LRGUK: variants seen among roughly 807,000 people sequenced by gnomAD.
LRGUK encodes leucine-rich repeat and guanylate kinase domain-containing protein.
Under a neutral mutation model 76.0 loss-of-function variants are expected in LRGUK, and 65 were observed. That is an observed-to-expected ratio of 0.85 (90% CI 0.70 to 1.05). The LOEUF (loss-of-function observed/expected upper bound fraction) is 1.05, where lower values mean the gene tolerates loss of function less well. LRGUK is among the 50% of genes least tolerant of loss of function. The probability of loss-of-function intolerance (pLI) is 0.00; values close to 1 mark genes in which losing one functional copy is unlikely to be tolerated. For missense variants in LRGUK, 758 were observed against 732.8 expected (o/e 1.03, Z -0.40); for synonymous variants, 268 against 265.6 (o/e 1.01, Z -0.09).
At chr7:134,140,656 T>C (rs529746675) in intron 3 of LRGUK, among the ~76,000 whole-genome samples, 1 of 152,128 alleles carries the variant, frequency 6.6e-6, no homozygotes, top group African/African-American at 2.4e-5. Context: ...TAAATGTTGC[T>C]GATATGTCTT....
chr7:134,254,459 C>G (rs929686102), intron 18 of LRGUK, among the ~76,000 whole-genome samples: 4 of 152,140 alleles, frequency 2.6e-5, no homozygotes, highest in Non-Finnish European at 5.9e-5. Context: ...GATCAAGTGC[C>G]TGGTCAGGGC....
intron 11 of LRGUK, among the ~76,000 whole-genome samples, chr7:134,184,839 A>G (rs933962202): frequency 6.6e-6 from 1 of 152,236 alleles, no homozygotes; most frequent in African/African-American, 2.4e-5. Flanking sequence ...GAAAATCAAC[A>G]TCTTTTTCAT....
chr7:134,180,561 G>A (rs1011034299), intron 10 of LRGUK, among the ~76,000 whole-genome samples: 5 of 151,974 alleles, frequency 3.3e-5, no homozygotes, highest in African/African-American at 1.2e-4. Flanking sequence ...AAGGGACACA[G>A]AGGAAGATGA....
downstream of LRGUK, among the ~76,000 whole-genome samples, chr7:134,267,327 A>G (rs1802873059): frequency 6.6e-6 from 1 of 152,200 alleles, no homozygotes; most frequent in Non-Finnish European, 1.5e-5. Flanking sequence ...ACAAAATCAA[A>G]TATCACATCT....
chr7:134,263,051 A>AT (rs1374027957), intron 19 of LRGUK, among the ~76,000 whole-genome samples: 2 of 141,698 alleles, frequency 1.4e-5, no homozygotes, highest in Non-Finnish European at 3.1e-5. Context: ...ACAATGTCTT[A>AT]TTTTTTTCTT....
chr7:134,258,799 T>C (rs1447660252), intron 19 of LRGUK, among the ~76,000 whole-genome samples: 1 of 152,214 alleles, frequency 6.6e-6, no homozygotes, highest in Non-Finnish European at 1.5e-5. Flanking sequence ...TTATTGATCC[T>C]GATTTTTGAA....
At chr7:134,130,675 T>G (rs937440495) in intron 1 of LRGUK, among the ~76,000 whole-genome samples, 3 of 152,252 alleles carry the variant, frequency 2.0e-5, no homozygotes, top group African/African-American at 7.2e-5. Flanking sequence ...ATTCCCAGTT[T>G]AGCACCTTTG....
intron 4 of LRGUK, among the ~76,000 whole-genome samples, chr7:134,147,045 G>GACAA (rs775470706): frequency 0.24 from 35,776 of 151,892 alleles, 5,023 homozygotes; most frequent in South Asian, 0.35. Context: ...AACAGAAGTT[G>GACAA]CTGAAAAAGC....
At chr7:134,195,684 T>C (rs1332002778) in intron 12 of LRGUK, among the ~76,000 whole-genome samples, 1 of 151,932 alleles carries the variant, frequency 6.6e-6, no homozygotes, top group Non-Finnish European at 1.5e-5. Context: ...AACCAGCAGA[T>C]GCAATAAACA....
chr7:134,222,683 A>G (rs927282454), intron 16 of LRGUK, among the ~76,000 whole-genome samples: 2 of 151,800 alleles, frequency 1.3e-5, no homozygotes, highest in Admixed American at 6.6e-5. Flanking sequence ...ATATCCGCTC[A>G]TCGCAACCTC....
chr7:134,140,793 A>C (rs1276845455), intron 3 of LRGUK, among the ~76,000 whole-genome samples: 1 of 152,188 alleles, frequency 6.6e-6, no homozygotes, highest in African/African-American at 2.4e-5. Context: ...ACTTTCAATT[A>C]ACTTTTTTCT....
chr7:134,133,428 T>C (rs1352487254), intron 1 of LRGUK, among the ~76,000 whole-genome samples: 6 of 152,162 alleles, frequency 3.9e-5, no homozygotes, highest in African/African-American at 1.4e-4. Context: ...GGGGCCCTGC[T>C]CATAGTCAGC....
At chr7:134,181,538 G>T (rs1364833688) in intron 10 of LRGUK, among the ~76,000 whole-genome samples, 1 of 151,274 alleles carries the variant, frequency 6.6e-6, no homozygotes, top group African/African-American at 2.4e-5. Flanking sequence ...TTGTTTGTTT[G>T]TTTGTTTTAA....
chr7:134,181,646 T>C (rs1337889861), intron 10 of LRGUK, among the ~76,000 whole-genome samples: 3 of 152,180 alleles, frequency 2.0e-5, no homozygotes, highest in African/African-American at 7.2e-5. Flanking sequence ...TCAATATTTG[T>C]CACTTTCTTT....
At chr7:134,131,979 G>A (rs1336832460) in intron 1 of LRGUK, among the ~76,000 whole-genome samples, 2 of 152,094 alleles carry the variant, frequency 1.3e-5, no homozygotes, top group Non-Finnish European at 2.9e-5. Context: ...AAGAAGCAGG[G>A]AAGAAAACTG....
chr7:134,257,434 G>C (rs1398010424), intron 18 of LRGUK, among the ~76,000 whole-genome samples: 1 of 152,114 alleles, frequency 6.6e-6, no homozygotes, highest in Non-Finnish European at 1.5e-5. Flanking sequence ...CCAAAGGAGA[G>C]GAACCTGGCG....
chr7:134,234,243 A>G (rs1482805248), intron 16 of LRGUK, among the ~76,000 whole-genome samples: 1 of 152,080 alleles, frequency 6.6e-6, no homozygotes, highest in African/African-American at 2.4e-5. Context: ...TATGACCCTC[A>G]GATACCACAG....
intron 15 of LRGUK, among the ~76,000 whole-genome samples, chr7:134,205,937 C>A (rs1379200383): frequency 6.6e-6 from 1 of 152,194 alleles, no homozygotes; most frequent in East Asian, 1.9e-4. Flanking sequence ...TCCCAGATAT[C>A]TGAAGTAGTA....
rs754288352 is a variant in LRGUK at position 134,178,467 on chromosome 7, C to A, written c.1108-36C>A. ...CTTTGTCTTCTTTTTAGAAACAAAA[C>A]TTTTTTTCCCTTTTACATCTCTAAT... On this transcript the variant is annotated intron_variant, in intron 9 of 15. Transcript: ENST00000645682. The A allele has an allele frequency of 9.8e-6, 15 of 1,523,182 alleles. No individual in the cohort carries two copies. In the South Asian group the frequency reaches 1.8e-4, roughly 18 times the overall value. The allele number at this position is 1,523,182 out of a possible 1,614,324, so 94.4% of individuals were successfully genotyped here.
Sources: allele counts gnomAD v4.1 joint callset (sites outside exome capture counted in the v4.1 genomes callset), GRCh38; gene constraint gnomAD v4.1.1; transcripts MANE v1.5; gene names NCBI Gene and HGNC (gene_info 2026-07-23, HGNC 2026-07-21).